Variants in ATRNL1 observed in about 807,000 individuals in gnomAD.
ATRNL1 encodes attractin-like protein 1.
ATRNL1 carries 95 observed loss-of-function variants against 182.7 expected under a neutral mutation model. That is an observed-to-expected ratio of 0.52 (90% confidence interval 0.44 to 0.62). The LOEUF (loss-of-function observed/expected upper bound fraction) is 0.62, where lower values mean the gene tolerates loss of function less well. ATRNL1 is among the 20% of genes least tolerant of loss of function. The pLI is 0.00. For synonymous variants in ATRNL1, 576 were observed against 568.3 expected (o/e 1.01, Z -0.19); for missense variants, 1,471 against 1,679.5 (o/e 0.88, Z 2.17).
chr10:115,175,499 A>T (rs782692917), intron 8 of ATRNL1, among the ~76,000 whole-genome samples: 21 of 152,032 alleles, frequency 1.4e-4, no homozygotes, highest in Admixed American at 3.9e-4. Context: ...GTCTAAATAA[A>T]TTTATCTGCA....
At chr10:115,624,310 T>C (rs1473937193) in intron 26 of ATRNL1, among the ~76,000 whole-genome samples, 1 of 152,096 alleles carries the variant, frequency 6.6e-6, no homozygotes, top group Non-Finnish European at 1.5e-5. Flanking sequence ...TAAATTATGT[T>C]TTCTAAAGAT....
At chr10:115,734,651 T>C (rs1456753517) in intron 27 of ATRNL1, among the ~76,000 whole-genome samples, 3 of 152,104 alleles carry the variant, frequency 2.0e-5, no homozygotes, top group African/African-American at 7.2e-5. Flanking sequence ...ATATTAAGCA[T>C]TTGTAAATTA....
At chr10:115,413,384 A>C (rs368453317) in intron 20 of ATRNL1, among the ~76,000 whole-genome samples, 1 of 152,080 alleles carries the variant, frequency 6.6e-6, no homozygotes, top group Non-Finnish European at 1.5e-5. Context: ...TGAAAATAAA[A>C]ATTTGTTTAT....
rs1554882950 is a variant in ATRNL1 at position 115,160,193 on chromosome 10, G to A, written c.983G>A (p.Ser328Asn). The change falls in exon 6 of 29, where the codon AGT becomes AAT. Residue 328 changes from serine (S) to asparagine (N), a missense_variant. Around this residue, in one of 3 missense-constraint regions of ATRNL1, gnomAD observed 1,031 missense variants for 1,156.0 expected, o/e 0.89. Coordinates refer to ENST00000355044, the MANE Select transcript of ATRNL1 (RefSeq NM_207303.4). The part of the protein sequence containing the change: ...WVIGGYTFNY[S>N]SFQMVLNYNL... ...ATTGGTGGATATACTTTTAACTACA[G>A]TTCTTTTCAAATGGTCCTAAAGTAA... 1 of 1,610,958 alleles carries A rather than the reference G, an allele frequency of 6.2e-7. No individual in the cohort carries two copies. Among genetic ancestry groups the A allele is most frequent in the Non-Finnish European group, 8.5e-7 (1 of 1,178,200 alleles).
chr10:115,725,999 A>G (rs1555059958), intron 26 of ATRNL1, among the ~76,000 whole-genome samples: 1 of 152,198 alleles, frequency 6.6e-6, no homozygotes, highest in Non-Finnish European at 1.5e-5. Context: ...TTACTTATTA[A>G]CAGTTGCATT....
Position 115,376,395 on chromosome 10 carries a change from C to T in ATRNL1, c.3176-18264C>T, listed in dbSNP as rs551656705. Reference sequence around the variant, plus strand: ...ACTTCAAATTCTAGGTCAAGCAATCCTCCTGCCTTGGCCTCCCCAAGTAGC... The same window carrying T: ...ACTTCAAATTCTAGGTCAAGCAATCTTCCTGCCTTGGCCTCCCCAAGTAGC... On this transcript the variant is annotated intron_variant, in intron 19 of 28. Transcript: ENST00000355044. Among the ~76,000 whole-genome samples the T allele has an allele frequency of 2.6e-5, 4 of 152,174 alleles. No individual in the cohort carries two copies. The East Asian group carries it at 7.7e-4, about 29-fold the overall frequency.
intron 20 of ATRNL1, among the ~76,000 whole-genome samples, chr10:115,424,960 C>G (rs1440492463): frequency 6.6e-6 from 1 of 152,120 alleles, no homozygotes; most frequent in African/African-American, 2.4e-5. Context: ...GGAAATGTCA[C>G]AGAAAACCTA....
At chr10:115,623,506 A>G (rs968047821) in intron 26 of ATRNL1, among the ~76,000 whole-genome samples, 14 of 152,184 alleles carry the variant, frequency 9.2e-5, no homozygotes, top group Non-Finnish European at 1.9e-4. Context: ...AGAAAAATCT[A>G]TAGTCTTAAC....
At chr10:115,747,488 T>G (rs1948326263) in intron 27 of ATRNL1, among the ~76,000 whole-genome samples, 1 of 152,132 alleles carries the variant, frequency 6.6e-6, no homozygotes, top group Non-Finnish European at 1.5e-5. Flanking sequence ...CAAATGCTTA[T>G]TCAGGAGGCT....
At chr10:115,805,399 A>G (rs1235448258) in intron 27 of ATRNL1, among the ~76,000 whole-genome samples, 1 of 152,140 alleles carries the variant, frequency 6.6e-6, no homozygotes, top group African/African-American at 2.4e-5. Context: ...TCTCTCTGTC[A>G]CCATTTAAAA....
At chr10:115,658,800 A>G (rs563124222) in intron 26 of ATRNL1, among the ~76,000 whole-genome samples, 2 of 152,296 alleles carry the variant, frequency 1.3e-5, no homozygotes, top group Admixed American at 1.3e-4. Context: ...TATTGCTAAT[A>G]AAGACATACT....
Position 115,944,724 on chromosome 10 carries a change from C to G in ATRNL1, c.4085C>G (p.Thr1362Ser), listed in dbSNP as rs1321342750. ...QQKASDSKDK[T>S]SGVRNRKHLS... ...AAAGCTTCAGATAGTAAAGATAAGACTTCTGGAGTCCGGAATCGAAAACAC... is the reference window on the plus strand; with the variant it reads ...AAAGCTTCAGATAGTAAAGATAAGAGTTCTGGAGTCCGGAATCGAAAACAC... The change falls in exon 29 of 29, where the codon ACT (threonine) becomes AGT (serine). Residue 1362 changes from threonine (T) to serine (S), a missense_variant. Physicochemically the swap from Thr to Ser is moderately conservative, Grantham distance 58. Around this residue, in one of 3 missense-constraint regions of ATRNL1, gnomAD observed 437 missense variants for 506.0 expected, o/e 0.86. Coordinates refer to ENST00000355044, the MANE Select transcript of ATRNL1 (RefSeq NM_207303.4). The G allele has an allele frequency of 1.2e-6, 2 of 1,613,542 alleles. No homozygotes were observed. The highest frequency in any genetic ancestry group is 2.7e-5 in the African/African-American group (2 of 74,912).
chr10:115,098,626 T>C (rs1368393327), intron 1 of ATRNL1, among the ~76,000 whole-genome samples: 1 of 151,844 alleles, frequency 6.6e-6, no homozygotes, highest in African/African-American at 2.4e-5. Context: ...TACGCCCGGC[T>C]AATTTTTTGT....
chr10:115,474,426 C>T (rs1414877182), intron 24 of ATRNL1, among the ~76,000 whole-genome samples: 1 of 151,132 alleles, frequency 6.6e-6, no homozygotes, highest in Admixed American at 6.6e-5. Flanking sequence ...TAGTGAAGTC[C>T]TTTTTAGATT....
At chr10:115,482,725 C>T (rs779281847) in intron 24 of ATRNL1, among the ~76,000 whole-genome samples, 16 of 150,974 alleles carry the variant, frequency 1.1e-4, no homozygotes, top group Non-Finnish European at 2.1e-4. Flanking sequence ...TTATTTGTTG[C>T]TTCATATAGG....
Position 115,196,370 on chromosome 10 carries a change from A to T in ATRNL1, c.1349-19327A>T, listed in dbSNP as rs147642631. ...GTAGCTCTCTAAATCTGGCGGTGTA[A>T]GTCTTCCATCTTTTTTTCCATTTTA... On this transcript the variant is annotated intron_variant, in intron 8 of 28. Coordinates refer to ENST00000355044, the MANE Select transcript of ATRNL1 (RefSeq NM_207303.4). 4.8e-3 allele frequency among the ~76,000 whole-genome samples: 728 copies of T among 152,188 alleles called. 4 individuals carry two copies. The highest frequency in any genetic ancestry group is 0.015 in the African/African-American group (641 of 41,552).
Position 115,638,454 on chromosome 10 carries a change from A to G in ATRNL1, c.3796-88794A>G, listed in dbSNP as rs909149374. 2.0e-5 allele frequency among the ~76,000 whole-genome samples: 3 copies of G among 152,218 alleles called. No homozygotes were observed. In the South Asian group the frequency reaches 6.2e-4, roughly 31 times the overall value. On this transcript the variant is annotated intron_variant, in intron 26 of 28. Coordinates refer to ENST00000355044, the MANE Select transcript of ATRNL1 (RefSeq NM_207303.4). ...CCTTGCATGCATTATTCTAAGTGAAAGAAGCCAGACACAAAAGGCCACTTA... is the reference window on the plus strand; with the variant it reads ...CCTTGCATGCATTATTCTAAGTGAAGGAAGCCAGACACAAAAGGCCACTTA...
At chr10:115,808,282 T>C (rs1313473853) in intron 27 of ATRNL1, among the ~76,000 whole-genome samples, 1 of 152,186 alleles carries the variant, frequency 6.6e-6, no homozygotes, top group East Asian at 1.9e-4. Context: ...TAAATGACTT[T>C]GTCCAAATGA....
rs545191713 is a variant in ATRNL1, at chr10:115,258,942, C to T, written c.1688-6251C>T. On this transcript the variant is annotated intron_variant, in intron 10 of 28. Transcript: ENST00000355044. ...ACCCTGTTTGCCTGGGTATCACCAGCGGAGGCTGCAGAACAGCAAGTATTA... is the reference window on the plus strand; with the variant it reads ...ACCCTGTTTGCCTGGGTATCACCAGTGGAGGCTGCAGAACAGCAAGTATTA... Among the ~76,000 whole-genome samples the T allele has an allele frequency of 7.9e-5, 12 of 152,322 alleles. 1 individual carries two copies. The highest frequency in any genetic ancestry group is 6.2e-4 in the South Asian group (3 of 4,828).
Sources: gnomAD v4.1 joint callset for allele counts (sites outside exome capture counted in the v4.1 genomes callset) on GRCh38, gnomAD v4.1.1 for gene constraint, gnomAD v4.1.1 regional missense constraint, MANE v1.5 for transcripts, NCBI Gene and HGNC (gene_info 2026-07-23, HGNC 2026-07-21) for gene names.